Variants in PRKAA2 observed in about 807,000 individuals in gnomAD.
PRKAA2 encodes the protein protein kinase AMP-activated catalytic subunit alpha 2.
In PRKAA2, 40 loss-of-function variants were observed where a neutral mutation model predicts 56.3. The observed-to-expected ratio is 0.71, with a 90% CI of 0.55 to 0.92. PRKAA2 has a LOEUF of 0.92. Among genes scored for constraint, PRKAA2 ranks in the 40% least tolerant of loss-of-function variants. The pLI, the probability that PRKAA2 is intolerant of heterozygous loss-of-function variation, is 0.00. For missense variants in PRKAA2, 542 were observed against 686.9 expected, an observed-to-expected ratio of 0.79 and a Z score of 2.36; for synonymous variants, 214 against 234.2, an observed-to-expected ratio of 0.91 and a Z score of 0.79.
intron 2 of PRKAA2, among the ~76,000 whole-genome samples, chr1:56,678,104 A>G (rs1644126528): frequency 6.6e-6 from 1 of 152,254 alleles, no homozygotes. Context: ...GAAGATTGTC[A>G]GAGTTGGTCA....
intron 6 of PRKAA2, among the ~76,000 whole-genome samples, chr1:56,699,486 G>C (rs1644280062): frequency 6.6e-6 from 1 of 152,108 alleles, no homozygotes. Context: ...TCAAAAGCTA[G>C]AAAGATGGCT....
At chr1:56,655,642 T>C (rs978255637) in intron 1 of PRKAA2, among the ~76,000 whole-genome samples, 12 of 152,182 alleles carry the variant, frequency 7.9e-5, no homozygotes, top group East Asian at 7.7e-4. Flanking sequence ...ATCTCCAACA[T>C]TGGAGATTAA....
At chr1:56,648,708 C>T (rs78524533) in intron 1 of PRKAA2, among the ~76,000 whole-genome samples, 2,194 of 152,234 alleles carry the variant, frequency 0.014, 58 homozygotes, top group African/African-American at 0.05. Context: ...AGTATCTTTG[C>T]CAACATTTGT....
At chr1:56,675,689 T>C (rs903926718) in intron 2 of PRKAA2, among the ~76,000 whole-genome samples, 1 of 152,132 alleles carries the variant, frequency 6.6e-6, no homozygotes, top group African/African-American at 2.4e-5. Context: ...AACAAAGCCC[T>C]ATGTATAAAC....
intron 2 of PRKAA2, among the ~76,000 whole-genome samples, chr1:56,682,229 C>A (rs1214316603): frequency 2.6e-5 from 4 of 151,912 alleles, no homozygotes; most frequent in Admixed American, 2.0e-4. Context: ...ATGTTCTGGA[C>A]AGTAAGTAAA....
chr1:56,665,077 CTTTT>C (rs76211899), intron 1 of PRKAA2, among the ~76,000 whole-genome samples: 2 of 138,904 alleles, frequency 1.4e-5, no homozygotes, highest in Non-Finnish European at 1.6e-5. Context: ...TAGTTCCTAT[CTTTT>C]TTTTTTTTTT....
intron 1 of PRKAA2, among the ~76,000 whole-genome samples, chr1:56,658,629 T>C (rs1643966655): frequency 6.7e-6 from 1 of 150,316 alleles, no homozygotes. Flanking sequence ...TGTTTTGTTT[T>C]GAGTCTGGGT....
chr1:56,707,660 A>T lies in PRKAA2; in HGVS notation c.1606A>T (p.Thr536Ser), dbSNP rs575965814. 1.9e-6 allele frequency: 3 copies of T among 1,613,798 alleles called. No individual in the cohort carries two copies. The South Asian group carries it at 3.3e-5, about 18-fold the overall frequency. ...SSVSPRLGSHTMDFFEMCASL... is the reference protein window; with the variant it reads ...SSVSPRLGSHSMDFFEMCASL... ...AGTTTCACCTCGCCTGGGCAGTCAC[A>T]CCATGGATTTTTTTGAAATGTGTGC... The change falls in exon 9 of 9, where the codon ACC becomes TCC. Residue 536 changes from threonine to serine, a missense_variant. Thr to Ser is a moderately conservative substitution (Grantham distance 58). Coordinates refer to ENST00000371244, the MANE Select transcript of PRKAA2 (RefSeq NM_006252.4).
intron 1 of PRKAA2, among the ~76,000 whole-genome samples, chr1:56,659,252 A>T (rs6588643): frequency 0.54 from 81,525 of 151,020 alleles, 22,464 homozygotes; most frequent in East Asian, 0.73. Context: ...CCTAGCACTT[A>T]GGGAGGCCGA....
rs768760746 is a variant in PRKAA2 at position 56,704,227 on chromosome 1, G to A, written c.1045G>A (p.Gly349Ser). The A allele has an allele frequency of 9.3e-6, 15 of 1,613,984 alleles. No homozygotes were observed. The highest frequency in any genetic ancestry group is 1.3e-5 in the Non-Finnish European group (15 of 1,180,018). Reference protein sequence around the residue: ...EFYLASSPPSGSFMDDSAMHI... With the variant: ...EFYLASSPPSSSFMDDSAMHI... ...CTACCTCGCCTCTAGTCCTCCATCT[G>A]GTTCTTTTATGGATGATAGTGCCAT... The change falls in exon 7 of 9, where the codon GGT becomes AGT. Residue 349 changes from glycine to serine, a missense_variant. Gly to Ser is a moderately conservative substitution (Grantham distance 56). This residue lies in a region of PRKAA2 where 198 missense variants were observed against 234.0 expected (regional missense o/e 0.85). Coordinates refer to ENST00000371244, the MANE Select transcript of PRKAA2 (RefSeq NM_006252.4).
chr1:56,672,462 T>C (rs1250235510), intron 1 of PRKAA2, among the ~76,000 whole-genome samples: 1 of 152,144 alleles, frequency 6.6e-6, no homozygotes, highest in Non-Finnish European at 1.5e-5. Flanking sequence ...ATTTCTGGGA[T>C]ATTAATCTTG....
intron 1 of PRKAA2, among the ~76,000 whole-genome samples, chr1:56,664,058 A>G (rs1015196724): frequency 3.3e-5 from 5 of 152,182 alleles, no homozygotes; most frequent in African/African-American, 1.2e-4. Flanking sequence ...TGATTGCATC[A>G]CTGCCTTCCA....
chr1:56,666,403 C>T (rs955820012), intron 1 of PRKAA2, among the ~76,000 whole-genome samples: 24 of 152,126 alleles, frequency 1.6e-4, no homozygotes, highest in Non-Finnish European at 1.3e-4. Context: ...ATCACTTAAT[C>T]AGACTGTTGA....
At chr1:56,675,661 A>G (rs1644107939) in intron 2 of PRKAA2, among the ~76,000 whole-genome samples, 1 of 152,134 alleles carries the variant, frequency 6.6e-6, no homozygotes, top group Admixed American at 6.5e-5. Flanking sequence ...ATTATTTTTA[A>G]TATACCATTA....
At chr1:56,678,929 C>T (rs1178862474) in intron 2 of PRKAA2, among the ~76,000 whole-genome samples, 2 of 152,238 alleles carry the variant, frequency 1.3e-5, no homozygotes, top group East Asian at 1.9e-4. Context: ...CTCTTGACTT[C>T]GTGATCTGCC....
intron 1 of PRKAA2, among the ~76,000 whole-genome samples, chr1:56,650,988 T>C (rs548345737): frequency 1.8e-4 from 27 of 152,336 alleles, no homozygotes; most frequent in African/African-American, 6.0e-4. Flanking sequence ...GTCCCATCAA[T>C]TGATGGAGCT....
chr1:56,712,199 T>C lies in PRKAA2; in HGVS notation c.*4486T>C, dbSNP rs1174093009. On this transcript the variant is annotated 3_prime_UTR_variant, in exon 9 of 9. Coordinates refer to ENST00000371244, the MANE Select transcript of PRKAA2 (RefSeq NM_006252.4). ...GACCAGAAAGCTCTTCATAAAGCTT[T>C]AACACCATACAAGTATCCAGCAGTG... The C allele has an allele frequency of 6.6e-6, 1 of 152,200 alleles. No homozygotes were observed. Among genetic ancestry groups the C allele is most frequent in the African/African-American group, 2.4e-5 (1 of 41,460 alleles). 9.4% of individuals were successfully genotyped at this position (152,200 alleles called of 1,614,324 possible). A position where few individuals can be genotyped will look rare whatever the true frequency, so the allele number is the denominator to read the frequency against.
At chr1:56,687,421 A>G (rs1486749171) in intron 2 of PRKAA2, among the ~76,000 whole-genome samples, 1 of 152,122 alleles carries the variant, frequency 6.6e-6, no homozygotes, top group Non-Finnish European at 1.5e-5. Flanking sequence ...ACACACATGC[A>G]TATGTACATA....
chr1:56,645,802 C>T (rs1446709566), intron 1 of PRKAA2, among the ~76,000 whole-genome samples: 1 of 152,166 alleles, frequency 6.6e-6, no homozygotes, highest in Non-Finnish European at 1.5e-5. Flanking sequence ...GTGTCCTCCT[C>T]TGCAAAATCG....
Sources: allele counts gnomAD v4.1 joint callset (sites outside exome capture counted in the v4.1 genomes callset), GRCh38; gene constraint gnomAD v4.1.1; regional missense constraint gnomAD v4.1.1; transcripts MANE v1.5; gene names NCBI Gene and HGNC (gene_info 2026-07-23, HGNC 2026-07-21).